Variants in SLC4A1 observed in about 807,000 individuals in gnomAD.
SLC4A1 encodes solute carrier family 4 member 1 (Diego blood group), also known as band 3 anion transport protein.
In SLC4A1, 29 loss-of-function variants were observed where a neutral mutation model predicts 93.1. The observed-to-expected ratio is 0.31, with a 90% CI of 0.23 to 0.42. SLC4A1 has a LOEUF of 0.42. Ranked by LOEUF, SLC4A1 falls within the 20% of genes least tolerant of loss-of-function variation. SLC4A1 has a pLI of 1.00. For missense variants in SLC4A1, 965 were observed against 1,190.1 expected, an observed-to-expected ratio of 0.81 and a Z score of 2.78; for synonymous variants, 469 against 497.2, an observed-to-expected ratio of 0.94 and a Z score of 0.76.
intron 14 of SLC4A1, 26 bp from the exon 15 acceptor site, chr17:44,255,322 G>A: frequency 1.3e-6 from 2 of 1,529,294 alleles, no homozygotes; most frequent in African/African-American, 1.4e-5. Flanking sequence ...AGGACCAGTG[G>A]TCAGTGCCCA....
chr17:44,263,984 G>T (rs576168783), intron 1 of SLC4A1, among the ~76,000 whole-genome samples: 2 of 151,944 alleles, frequency 1.3e-5, no homozygotes, highest in Non-Finnish European at 2.9e-5. Flanking sequence ...CTATCTCAGT[G>T]TGGGCTGCTG....
intron 3 of SLC4A1, chr17:44,262,037 G>A (rs920738518): frequency 2.5e-6 from 3 of 1,179,394 alleles, no homozygotes; most frequent in Middle Eastern, 3.8e-4. Flanking sequence ...CTGCCTCAAT[G>A]AGCCCGTCAG....
In SLC4A1 at chr17:44,249,138, A is replaced by C. The variant is rs1268465162; in HGVS notation, c.*1320T>G. On this transcript the variant is annotated 3_prime_UTR_variant, in exon 20 of 20. Coordinates refer to ENST00000262418, the MANE Select transcript of SLC4A1 (RefSeq NM_000342.4). ...TGGCCTCCCAAAGTGCTGGGATTAC[A>C]AACGTGAGCCACTGCGCCCAGCCAC... The C allele has an allele frequency of 4.4e-6, 2 of 453,604 alleles. No homozygotes were observed. Among genetic ancestry groups the C allele is most frequent in the Non-Finnish European group, 8.9e-6 (2 of 225,868 alleles). The allele number at this position is 453,604 out of a possible 1,614,324, so 28.1% of individuals were successfully genotyped here.
chr17:44,263,711 T>TTCCTCCCTTCCC lies in SLC4A1; in HGVS notation c.-68-778_-68-777insGGGAAGGGAGGA, dbSNP rs1555597781. Among the ~76,000 whole-genome samples, 28 of 8,612 alleles carry TTCCTCCCTTCCC rather than the reference T, an allele frequency of 3.3e-3. No homozygotes were observed. In the South Asian group the frequency reaches 0.26, roughly 79 times the overall value. The allele number at this position is 8,612 out of a possible 152,430, so 5.6% of individuals were successfully genotyped here. A position where few individuals can be genotyped will look rare whatever the true frequency, so the allele number is the denominator to read the frequency against. Reference sequence around the variant, plus strand: ...CTCCCTCCTTCCCTCCCTTCCCTCCTTCCTTCCTTCCTTCCTTCCTTCCTT... The same window carrying TTCCTCCCTTCCC: ...CTCCCTCCTTCCCTCCCTTCCCTCCTTCCTCCCTTCCCTCCTTCCTTCCTTCCTTCCTTCCTT... On this transcript the variant is annotated intron_variant, in intron 1 of 19. Transcript: ENST00000262418.
chr17:44,259,596 G>A lies in SLC4A1; in HGVS notation c.610-15C>T. On this transcript the variant is annotated splice_polypyrimidine_tract_variant and intron_variant, in intron 7 of 19. Coordinates refer to ENST00000262418, the MANE Select transcript of SLC4A1 (RefSeq NM_000342.4). ...CCCCCATCTCCCTGTGGGAAGGAGG[G>A]TGGTGACGGGAGTCCTCGGGCCAGT... The A allele has an allele frequency of 4.4e-6, 7 of 1,605,960 alleles. No individual in the cohort carries two copies. Among genetic ancestry groups the A allele is most frequent in the Non-Finnish European group, 6.0e-6 (7 of 1,172,612 alleles).
chr17:44,259,966 G>T, intron 6 of SLC4A1, 34 bp from the exon 7 acceptor site: 1 of 1,611,410 alleles, frequency 6.2e-7, no homozygotes. Flanking sequence ...GGCTGAGTAA[G>T]CTGTTCAGGC....
intron 13 of SLC4A1, among the ~76,000 whole-genome samples, chr17:44,256,793 C>T (rs1243648625): frequency 6.6e-6 from 1 of 152,204 alleles, no homozygotes; most frequent in East Asian, 1.9e-4. Flanking sequence ...GCAGCAGGTG[C>T]CAACACATAT....
rs759765396 is a variant in SLC4A1 at position 44,251,601 on chromosome 17, C to T, written c.2312-13G>A. On this transcript the variant is annotated splice_polypyrimidine_tract_variant and intron_variant, in intron 17 of 19. Transcript: ENST00000262418. ...AGGATGGACAGGCCTGTGGGGGAGC[C>T]GCACACTCTCAGCCCAGGTTGCCCG... 2.5e-5 allele frequency: 40 copies of T among 1,613,360 alleles called. No individual in the cohort carries two copies. Among genetic ancestry groups the T allele is most frequent in the Non-Finnish European group, 3.0e-5 (35 of 1,179,880 alleles).
In SLC4A1 at chr17:44,260,725, TCTC is replaced by T. The variant is rs774121522; in HGVS notation, c.256_258del (p.Glu86del). ...CCCCAGGCCCCATTCTCCCCCAGGT[TCTC>T]CTCCAGTTGCACCCAGCGCGCCGCC... On this transcript the variant is annotated inframe_deletion, in exon 5 of 20. Transcript: ENST00000262418. 1.8e-4 allele frequency: 287 copies of T among 1,613,970 alleles called. No homozygotes were observed. The highest frequency in any genetic ancestry group is 2.3e-4 in the Non-Finnish European group (269 of 1,179,994).
intron 15 of SLC4A1, 111 bp from the exon 16 acceptor site, chr17:44,254,773 G>T: frequency 1.1e-6 from 1 of 885,956 alleles, no homozygotes; most frequent in Non-Finnish European, 1.8e-6. Context: ...AGGCACTTGG[G>T]AACTTACTTA....
rs371233974 is a variant in SLC4A1, at chr17:44,258,404, G to A, written c.1087+9C>T. On this transcript the variant is annotated intron_variant, in intron 10 of 19. Transcript: ENST00000262418. The surrounding 1 kb of genome is among the most constrained non-coding windows in gnomAD (Gnocchi z 6.1). ...GGCTCAGAAAGCCTCAGCTGGGAAGGGCAGGTACCTAGGCCCTTGTAGAAG... is the reference window on the plus strand; with the variant it reads ...GGCTCAGAAAGCCTCAGCTGGGAAGAGCAGGTACCTAGGCCCTTGTAGAAG... 1.2e-6 allele frequency: 2 copies of A among 1,613,654 alleles called. No homozygotes were observed. Among genetic ancestry groups the A allele is most frequent in the Non-Finnish European group, 1.7e-6 (2 of 1,179,636 alleles).
At chr17:44,266,512 G>A (rs1047768009) in intron 1 of SLC4A1, among the ~76,000 whole-genome samples, 10 of 152,254 alleles carry the variant, frequency 6.6e-5, no homozygotes, top group African/African-American at 2.4e-4. Flanking sequence ...AAGGGCCTTG[G>A]GCAGCTTCCA....
chr17:44,260,785 C>T lies in SLC4A1; in HGVS notation c.199G>A (p.Asp67Asn). ...VYVELQELVM[D>N]EKNQELRWME... ...CATCTCAGCTCCTGGTTCTTTTCGT[C>T]CATCACCAGCTCCTGCAGCTCCACA... The change falls in exon 5 of 20, where the codon GAC becomes AAC. Residue 67 changes from aspartate (D) to asparagine (N), a missense_variant. Around this residue, in one of 2 missense-constraint regions of SLC4A1, gnomAD observed 195 missense variants for 183.5 expected, o/e 1.06. Coordinates refer to ENST00000262418, the MANE Select transcript of SLC4A1 (RefSeq NM_000342.4). 1 of 1,613,396 alleles carries T rather than the reference C, an allele frequency of 6.2e-7. No homozygotes were observed. Among genetic ancestry groups the T allele is most frequent in the Non-Finnish European group, 8.5e-7 (1 of 1,180,034 alleles).
intron 19 of SLC4A1, 104 bp downstream of exon 19, chr17:44,251,055 T>TA: frequency 7.7e-7 from 1 of 1,297,212 alleles, no homozygotes; most frequent in Non-Finnish European, 1.1e-6. Context: ...ACACCAGCCC[T>TA]AGCCCCAGAC....
chr17:44,264,050 T>C (rs2047475064), intron 1 of SLC4A1, among the ~76,000 whole-genome samples: 1 of 152,174 alleles, frequency 6.6e-6, no homozygotes, highest in Non-Finnish European at 1.5e-5. Flanking sequence ...TTATCCAGGC[T>C]AGAATGCAGT....
chr17:44,253,959 C>T (rs2047365500), intron 16 of SLC4A1, among the ~76,000 whole-genome samples: 1 of 148,664 alleles, frequency 6.7e-6, no homozygotes, highest in Admixed American at 6.7e-5. Flanking sequence ...TGTGAGCCAC[C>T]TCACCTGGCG....
chr17:44,253,427 C>T lies in SLC4A1; in HGVS notation c.2058-56G>A, dbSNP rs373671054. The T allele has an allele frequency of 2.1e-4, 335 of 1,568,904 alleles. 4 individuals are homozygous for T. The African/African-American group carries it at 3.9e-3, about 18-fold the overall frequency. On this transcript the variant is annotated intron_variant, in intron 16 of 19. Transcript: ENST00000262418. ...GGTTCTCCCCTGCCTCCTCCACCCCCTCCTTCCTTCTCCATACTTGGTGTC... is the reference window on the plus strand; with the variant it reads ...GGTTCTCCCCTGCCTCCTCCACCCCTTCCTTCCTTCTCCATACTTGGTGTC...
chr17:44,259,846 T>TG lies in SLC4A1; in HGVS notation c.571dup (p.Gln191ProfsTer12). 6.2e-7 allele frequency: 1 copy of TG among 1,613,902 alleles called. No homozygotes were observed. Among genetic ancestry groups the TG allele is most frequent in the Non-Finnish European group, 8.5e-7 (1 of 1,179,992 alleles). On this transcript the variant is annotated frameshift_variant, in exon 7 of 20. Coordinates refer to ENST00000262418, the MANE Select transcript of SLC4A1 (RefSeq NM_000342.4). LOFTEE classifies it high-confidence loss of function. ...GAGCTGTGTCTCCAGTGAGGAGTGT[T>TG]GGGGGAGCAGAGGCTGTGAAGGATC... is the stretch of plus-strand genomic sequence containing the variant.
At chr17:44,251,084 C>A (rs1175937944) in intron 19 of SLC4A1, 75 bp downstream of exon 19, 3 of 1,489,360 alleles carry the variant, frequency 2.0e-6, no homozygotes, top group Non-Finnish European at 2.7e-6. Flanking sequence ...TGACTCTGTC[C>A]TGCCTGCCCT....
Sources: allele counts gnomAD v4.1 joint callset (sites outside exome capture counted in the v4.1 genomes callset), GRCh38; gene constraint gnomAD v4.1.1; regional missense constraint gnomAD v4.1.1; non-coding constraint Gnocchi (gnomAD v3.1); transcripts MANE v1.5; gene names NCBI Gene and HGNC (gene_info 2026-07-23, HGNC 2026-07-21).